The following RAD21L1 variants were observed in gnomAD, a reference collection of about 807,000 sequenced individuals.
RAD21L1 encodes the protein double-strand-break repair protein rad21-like protein 1.
In RAD21L1, 47 loss-of-function variants were observed where a neutral mutation model predicts 69.0. The observed-to-expected ratio is 0.68, with a 90% CI of 0.54 to 0.87. RAD21L1 has a LOEUF of 0.87. Among genes scored for constraint, RAD21L1 ranks in the 40% least tolerant of loss-of-function variants. The pLI is 0.00. For missense variants in RAD21L1, 583 were observed against 647.6 expected (o/e 0.90, Z 1.08); for synonymous variants, 177 against 205.8 (o/e 0.86, Z 1.20).
At chr20:1,252,592 C>T (rs1287870343) in intron 13 of RAD21L1, among the ~76,000 whole-genome samples, 1 of 152,166 alleles carries the variant, frequency 6.6e-6, no homozygotes, top group Non-Finnish European at 1.5e-5. Flanking sequence ...GCCCTAAGTT[C>T]AAAGCCTCAA....
chr20:1,249,933 G>T (rs569088596), intron 13 of RAD21L1, among the ~76,000 whole-genome samples: 1 of 151,242 alleles, frequency 6.6e-6, no homozygotes, highest in Non-Finnish European at 1.5e-5. Context: ...GTATACATGC[G>T]CCATGTTGGT....
intron 6 of RAD21L1, among the ~76,000 whole-genome samples, chr20:1,238,973 A>C (rs1297909866): frequency 2.0e-5 from 3 of 152,034 alleles, no homozygotes; most frequent in Non-Finnish European, 4.4e-5. Flanking sequence ...ACAGGTGCCC[A>C]CCACAATGTC....
Position 1,238,226 on chromosome 20 carries a change from G to C in RAD21L1, c.646+12G>C, listed in dbSNP as rs1268153359. 2 of 1,434,786 alleles carry C rather than the reference G, an allele frequency of 1.4e-6. No homozygotes were observed. The highest frequency in any genetic ancestry group is 2.8e-5 in the African/African-American group (2 of 70,632). 88.9% of individuals were successfully genotyped at this position (1,434,786 alleles called of 1,614,324 possible). A position where few individuals can be genotyped will look rare whatever the true frequency, so the allele number is the denominator to read the frequency against. On this transcript the variant is annotated intron_variant, in intron 6 of 13. Coordinates refer to ENST00000683101, the MANE Select transcript of RAD21L1 (RefSeq NM_001384355.1). ...AGGAGAAATGATTGGTATGCTATCT[G>C]GTCATGTGGAAATAAAATATTTATT...
At chr20:1,242,487 C>T in intron 8 of RAD21L1, 132 bp from the exon 9 acceptor site, 1 of 690,654 alleles carries the variant, frequency 1.4e-6, no homozygotes, top group Non-Finnish European at 2.5e-6. Flanking sequence ...CCCACCTCAG[C>T]CTCTTGAAGT....
At chr20:1,252,493 G>A (rs1054657332) in intron 13 of RAD21L1, among the ~76,000 whole-genome samples, 2 of 152,014 alleles carry the variant, frequency 1.3e-5, no homozygotes, top group Admixed American at 6.5e-5. Flanking sequence ...GGAGGTAAAG[G>A]AGAGGCTGGT....
In RAD21L1 at chr20:1,228,435, A is replaced by C; in HGVS notation, c.-19A>C. ...TGTTCTCTCTAGTTTGTTAAATACA[A>C]GTAAGGAACACAGGCAACATGTTCT... On this transcript the variant is annotated 5_prime_UTR_variant, in exon 2 of 14. Coordinates refer to ENST00000683101, the MANE Select transcript of RAD21L1 (RefSeq NM_001384355.1). 1 of 1,464,170 alleles carries C rather than the reference A, an allele frequency of 6.8e-7. No homozygotes were observed. Among genetic ancestry groups the C allele is most frequent in the Non-Finnish European group, 9.0e-7 (1 of 1,107,910 alleles). The allele number at this position is 1,464,170 out of a possible 1,614,324, so 90.7% of individuals were successfully genotyped here.
At chr20:1,230,656 C>T (rs2087370462) in intron 3 of RAD21L1, 1 of 334,824 alleles carries the variant, frequency 3.0e-6, no homozygotes, top group African/African-American at 2.2e-5. Context: ...ATATCTGTCT[C>T]AGTGCCTTGC....
At chr20:1,237,867 GT>G (rs1306310384) in intron 5 of RAD21L1, among the ~76,000 whole-genome samples, 176 bp from the exon 6 acceptor site, 3 of 152,122 alleles carry the variant, frequency 2.0e-5, no homozygotes, top group Non-Finnish European at 4.4e-5. Context: ...TAAAAATCAT[GT>G]CTCTACTGAT....
rs1453796961 is a variant in RAD21L1, at chr20:1,239,296, C to T, written c.647-16C>T. 4 of 1,364,100 alleles carry T rather than the reference C, an allele frequency of 2.9e-6. No homozygotes were observed. In the African/African-American group the frequency reaches 4.4e-5, roughly 15 times the overall value. The allele number at this position is 1,364,100 out of a possible 1,614,324, so 84.5% of individuals were successfully genotyped here. On this transcript the variant is annotated splice_polypyrimidine_tract_variant and intron_variant, in intron 6 of 13. Transcript: ENST00000683101. ...ATTCCAGTCTGTATGAAAAAATATT[C>T]ATTGTGTTTTTCAAGACAATCTATT...
At chr20:1,229,057 G>GT (rs2087329664) in intron 2 of RAD21L1, among the ~76,000 whole-genome samples, 1 of 152,176 alleles carries the variant, frequency 6.6e-6, no homozygotes, top group Admixed American at 6.5e-5. Context: ...ATTTAATATT[G>GT]TTTTAAGTTA....
In RAD21L1 at chr20:1,228,529, A is replaced by G; in HGVS notation, c.76A>G (p.Lys26Glu). 1.9e-6 allele frequency: 3 copies of G among 1,550,592 alleles called. No homozygotes were observed. The highest frequency in any genetic ancestry group is 2.6e-6 in the Non-Finnish European group (3 of 1,146,368). Residue 26 changes from lysine to glutamate, a missense_variant, in exon 2 of 14, where the codon AAA becomes GAA. By Grantham distance (56) the Lys-to-Glu change is moderately conservative. Coordinates refer to ENST00000683101, the MANE Select transcript of RAD21L1 (RefSeq NM_001384355.1). ...KIWLAAHWEK[K>E]LTKAHVFECN... is the part of the protein sequence containing the mutation. ...ATGGCTTGCAGCTCACTGGGAGAAG[A>G]AACTCACAAAGGCCCATGTATTTGA...
At chr20:1,240,646 C>T (rs953367889) in intron 8 of RAD21L1, among the ~76,000 whole-genome samples, 3 of 151,948 alleles carry the variant, frequency 2.0e-5, no homozygotes, top group African/African-American at 4.8e-5. Flanking sequence ...GGTTGGACAC[C>T]GGACCAGATG....
chr20:1,235,495 A>G (rs1450110840), intron 5 of RAD21L1, among the ~76,000 whole-genome samples: 1 of 152,186 alleles, frequency 6.6e-6, no homozygotes, highest in Non-Finnish European at 1.5e-5. Context: ...TCAAAATACA[A>G]GTCTTAAGTT....
chr20:1,240,560 A>G (rs2087586292), intron 8 of RAD21L1, 126 bp downstream of exon 8: 2 of 1,364,736 alleles, frequency 1.5e-6, no homozygotes, highest in Non-Finnish European at 1.9e-6. Flanking sequence ...TTGTAACACA[A>G]TAGAGGAGAA....
chr20:1,242,722 C>T lies in RAD21L1; in HGVS notation c.960C>T (p.Asp320=). Residue 320 remains aspartate, a synonymous_variant, in exon 9 of 14, where the codon GAC becomes GAT. Transcript: ENST00000683101. The part of the protein sequence containing the change: ...VIHKQLTSFA[D]TLMVLELAPP... ...ATAAACAGCTTACTTCCTTTGCGGACACACTCATGGTTTTGGAACTTGCAC... is the reference window on the plus strand; with the variant it reads ...ATAAACAGCTTACTTCCTTTGCGGATACACTCATGGTTTTGGAACTTGCAC... 1 of 1,551,538 alleles carries T rather than the reference C, an allele frequency of 6.4e-7. No homozygotes were observed. Among genetic ancestry groups the T allele is most frequent in the Non-Finnish European group, 8.7e-7 (1 of 1,146,832 alleles).
At chr20:1,251,888 CTATT>C (rs1247986571) in intron 13 of RAD21L1, among the ~76,000 whole-genome samples, 1 of 152,034 alleles carries the variant, frequency 6.6e-6, no homozygotes, top group Non-Finnish European at 1.5e-5. Context: ...ATGCAGTAAA[CTATT>C]TATATTTAAA....
At chr20:1,244,505 C>T (rs917660964) in intron 11 of RAD21L1, among the ~76,000 whole-genome samples, 12 of 152,256 alleles carry the variant, frequency 7.9e-5, no homozygotes, top group African/African-American at 2.9e-4. Context: ...TGTTTTAGAA[C>T]TGCAGCCAGT....
At chr20:1,229,517 A>G (rs116797731) in intron 2 of RAD21L1, among the ~76,000 whole-genome samples, 2,287 of 152,282 alleles carry the variant, frequency 0.015, 55 homozygotes, top group African/African-American at 0.052. Flanking sequence ...TCCGTCTCCA[A>G]AAAAACAATA....
chr20:1,236,927 T>C (rs191402664), intron 5 of RAD21L1, among the ~76,000 whole-genome samples: 14 of 152,254 alleles, frequency 9.2e-5, no homozygotes, highest in East Asian at 3.8e-4. Context: ...TATTCTCTGA[T>C]TGACCAACGC....
Sources: gnomAD v4.1 joint callset for allele counts (sites outside exome capture counted in the v4.1 genomes callset) on GRCh38, gnomAD v4.1.1 for gene constraint, MANE v1.5 for transcripts, NCBI Gene and HGNC (gene_info 2026-07-23, HGNC 2026-07-21) for gene names.